Variants in THSD4 observed in about 807,000 individuals in gnomAD.
The protein encoded by THSD4 is thrombospondin type 1 domain containing 4, also known as thrombospondin type-1 domain-containing protein 4.
In THSD4, 69 loss-of-function variants were observed where a neutral mutation model predicts 119.0. That is an observed-to-expected ratio of 0.58 (90% CI 0.48 to 0.71). The LOEUF (loss-of-function observed/expected upper bound fraction) is 0.71. Ranked by LOEUF, THSD4 falls within the 30% of genes least tolerant of loss-of-function variation. THSD4 has a pLI of 0.00. For missense variants in THSD4, 1,393 were observed against 1,391.1 expected (o/e 1.00, Z -0.02); for synonymous variants, 524 against 540.4 (o/e 0.97, Z 0.42).
chr15:71,688,713 G>C (rs1215556320), intron 8 of THSD4, among the ~76,000 whole-genome samples: 3 of 144,884 alleles, frequency 2.1e-5, no homozygotes, highest in Admixed American at 6.9e-5. Flanking sequence ...ATCTCTGTGT[G>C]TGTGTGTGTG....
At chr15:71,307,407 C>T (rs1386268819) in intron 6 of THSD4, among the ~76,000 whole-genome samples, 1 of 152,158 alleles carries the variant, frequency 6.6e-6, no homozygotes, top group Non-Finnish European at 1.5e-5. Context: ...ATTTTTAAGA[C>T]CTAAGTGTGT....
chr15:71,547,531 A>T (rs1360890251), intron 7 of THSD4: 1 of 1,544,718 alleles, frequency 6.5e-7, no homozygotes, highest in Non-Finnish European at 8.7e-7. Context: ...TTTCAGCATT[A>T]TATTTCCTCT....
intron 7 of THSD4, among the ~76,000 whole-genome samples, chr15:71,599,169 G>T (rs995235807): frequency 8.5e-5 from 13 of 152,130 alleles, no homozygotes; most frequent in African/African-American, 2.9e-4. Flanking sequence ...AAGCTAAATT[G>T]TAAATCTTTG....
intron 7 of THSD4, among the ~76,000 whole-genome samples, chr15:71,656,616 C>A (rs1256292296): frequency 6.6e-6 from 1 of 152,196 alleles, no homozygotes; most frequent in Non-Finnish European, 1.5e-5. Context: ...CTGTCACGAT[C>A]TACTCCTTCA....
chr15:71,122,881 G>T (rs772225835), intron 1 of THSD4, among the ~76,000 whole-genome samples: 30 of 152,134 alleles, frequency 2.0e-4, no homozygotes, highest in Non-Finnish European at 3.1e-4. Context: ...ACACTTCCCA[G>T]CCATGTGATT....
At chr15:71,378,128 G>A (rs1254325327) in intron 6 of THSD4, among the ~76,000 whole-genome samples, 1 of 152,056 alleles carries the variant, frequency 6.6e-6, no homozygotes, top group African/African-American at 2.4e-5. Context: ...TCTTTATTTT[G>A]ATTTTTTTCA....
chr15:71,235,028 A>G (rs1057175432), intron 4 of THSD4, among the ~76,000 whole-genome samples: 9 of 152,140 alleles, frequency 5.9e-5, no homozygotes, highest in African/African-American at 1.7e-4. Flanking sequence ...GTCTATAAAA[A>G]CCTTTTTAAA....
chr15:71,741,684 T>TACACACACACACAC (rs56080459), intron 11 of THSD4, among the ~76,000 whole-genome samples: 3 of 145,724 alleles, frequency 2.1e-5, no homozygotes, highest in African/African-American at 7.7e-5. Flanking sequence ...TGTGTGCATG[T>TACACACACACACAC]ACACACACAC....
intron 4 of THSD4, among the ~76,000 whole-genome samples, chr15:71,239,595 TG>T (rs1338691282): frequency 2.6e-5 from 4 of 152,238 alleles, no homozygotes; most frequent in African/African-American, 9.6e-5. Flanking sequence ...GCCAGTGCTT[TG>T]ACAAGTGGAG....
chr15:71,145,993 C>G (rs2040656921), intron 2 of THSD4, among the ~76,000 whole-genome samples: 1 of 152,200 alleles, frequency 6.6e-6, no homozygotes, highest in Non-Finnish European at 1.5e-5. Flanking sequence ...TAAACTACTA[C>G]TTGGTTAATG....
rs573017211 is a variant in THSD4, at chr15:71,165,332, C to T, written c.99+10400C>T. ...AGTTGACTGAAGCATCTGGGTGCTT[C>T]TTCTTATGCTCCTCCCGACGTTTGC... is the stretch of plus-strand genomic sequence containing the variant. On this transcript the variant is annotated intron_variant, in intron 3 of 17. Coordinates refer to ENST00000261862, the MANE Select transcript of THSD4 (RefSeq NM_024817.3). 32 of 1,572,184 alleles carry T rather than the reference C, an allele frequency of 2.0e-5. No homozygotes were observed. In the African/African-American group the frequency reaches 4.2e-4, roughly 21 times the overall value.
intron 9 of THSD4, 53 bp from the exon 10 acceptor site, chr15:71,731,068 G>A: frequency 6.4e-7 from 1 of 1,570,386 alleles, no homozygotes; most frequent in Admixed American, 1.7e-5. Context: ...TTGAAACCCA[G>A]AAGGGGTGTG....
Position 71,623,661 on chromosome 15 carries a change from G to A in THSD4, c.1153-36869G>A, listed in dbSNP as rs188030903. ...GAATCGGCCGGAAGCAGTGGCTCAC[G>A]CCTGTAATCCCAGCACTTGAGAGGC... On this transcript the variant is annotated intron_variant, in intron 7 of 17. Transcript: ENST00000261862. 1.2e-4 allele frequency among the ~76,000 whole-genome samples: 18 copies of A among 152,238 alleles called. No homozygotes were observed. The East Asian group carries it at 1.9e-3, about 16-fold the overall frequency.
intron 6 of THSD4, among the ~76,000 whole-genome samples, chr15:71,384,117 C>T (rs1235983210): frequency 6.6e-6 from 1 of 152,184 alleles, no homozygotes. Flanking sequence ...CGGTGGCTCA[C>T]GCCTGTAATC....
At chr15:71,590,206 C>T (rs1408357425) in intron 7 of THSD4, among the ~76,000 whole-genome samples, 1 of 138,600 alleles carries the variant, frequency 7.2e-6, no homozygotes, top group African/African-American at 2.5e-5. Context: ...CATTCCCTAT[C>T]TTTGTCTGAA....
intron 1 of THSD4, among the ~76,000 whole-genome samples, chr15:71,118,747 C>T (rs1475689901): frequency 6.6e-6 from 1 of 152,176 alleles, no homozygotes; most frequent in Non-Finnish European, 1.5e-5. Flanking sequence ...TGTTGAATAT[C>T]CTCGCTGTGA....
At chr15:71,135,301 C>T (rs1419690682) in intron 1 of THSD4, among the ~76,000 whole-genome samples, 1 of 138,952 alleles carries the variant, frequency 7.2e-6, no homozygotes, top group Non-Finnish European at 1.5e-5. Context: ...CAGCATGGCA[C>T]ATGTATACAT....
At chr15:71,479,314 T>C (rs560601132) in intron 7 of THSD4, among the ~76,000 whole-genome samples, 3 of 152,180 alleles carry the variant, frequency 2.0e-5, no homozygotes, top group Non-Finnish European at 4.4e-5. Context: ...GTTCATGTTA[T>C]TTGTCATGTT....
intron 6 of THSD4, among the ~76,000 whole-genome samples, chr15:71,364,511 C>A (rs958144999): frequency 1.3e-5 from 2 of 152,150 alleles, no homozygotes; most frequent in African/African-American, 4.8e-5. Context: ...GAAAATGATA[C>A]CTCCCTCACA....
Sources: allele counts gnomAD v4.1 joint callset (sites outside exome capture counted in the v4.1 genomes callset), GRCh38; gene constraint gnomAD v4.1.1; transcripts MANE v1.5; gene names NCBI Gene and HGNC (gene_info 2026-07-23, HGNC 2026-07-21).